The following LRRN1 variants were observed in gnomAD, a reference collection of about 807,000 sequenced individuals.
LRRN1 encodes leucine-rich repeat neuronal protein 1.
In LRRN1, 14 loss-of-function variants were observed where a neutral mutation model predicts 45.8. That is an observed-to-expected ratio of 0.31 (90% CI 0.20 to 0.48). The LOEUF is 0.48. Among genes scored for constraint, LRRN1 ranks in the 20% least tolerant of loss-of-function variants. The probability of loss-of-function intolerance (pLI) is 0.99; values close to 1 mark genes in which losing one functional copy is unlikely to be tolerated. For synonymous variants in LRRN1, 359 were observed against 330.1 expected, an observed-to-expected ratio of 1.09 and a Z score of -0.95; for missense variants, 789 against 874.2, an observed-to-expected ratio of 0.90 and a Z score of 1.23.
At chr3:3,825,972 C>T (rs1409404052) in intron 1 of LRRN1, among the ~76,000 whole-genome samples, 1 of 152,124 alleles carries the variant, frequency 6.6e-6, no homozygotes, top group Non-Finnish European at 1.5e-5. Context: ...TGCAAACTGG[C>T]CATGGGCCAT....
At chr3:3,820,348 A>C (rs574578027) in intron 1 of LRRN1, among the ~76,000 whole-genome samples, 3 of 152,302 alleles carry the variant, frequency 2.0e-5, no homozygotes, top group Admixed American at 6.5e-5. Context: ...CTGTCTAGCA[A>C]ATTTGCCATC....
At chr3:3,804,808 A>G (rs1348222332) in intron 1 of LRRN1, among the ~76,000 whole-genome samples, 1 of 133,786 alleles carries the variant, frequency 7.5e-6, no homozygotes, top group Non-Finnish European at 1.6e-5. Flanking sequence ...ACATCCTTCT[A>G]TGTGAAAGGT....
At chr3:3,807,774 A>G (rs74369678) in intron 1 of LRRN1, among the ~76,000 whole-genome samples, 3,855 of 152,272 alleles carry the variant, frequency 0.025, 137 homozygotes, top group East Asian at 0.15. Flanking sequence ...TCAGAGAACC[A>G]TAAGGACAGT....
chr3:3,829,543 G>A (rs1295452063), intron 1 of LRRN1, among the ~76,000 whole-genome samples: 2 of 152,144 alleles, frequency 1.3e-5, no homozygotes, highest in African/African-American at 4.8e-5. Flanking sequence ...ACAGCCTTCT[G>A]GAGAACTTTG....
chr3:3,817,629 C>A (rs1693014174), intron 1 of LRRN1, among the ~76,000 whole-genome samples: 1 of 151,590 alleles, frequency 6.6e-6, no homozygotes, highest in East Asian at 1.9e-4. Context: ...AGCAGTCAGG[C>A]TCTTTAGAGA....
chr3:3,805,142 C>T (rs2106449687), intron 1 of LRRN1, among the ~76,000 whole-genome samples: 1 of 152,094 alleles, frequency 6.6e-6, no homozygotes, highest in South Asian at 2.1e-4. Flanking sequence ...TGGGCAGCAC[C>T]AATATTAGCA....
intron 1 of LRRN1, among the ~76,000 whole-genome samples, chr3:3,840,445 A>G (rs1029442014): frequency 1.3e-5 from 2 of 152,208 alleles, no homozygotes; most frequent in African/African-American, 4.8e-5. Flanking sequence ...ACTATTGGCG[A>G]GTAGCTCCTG....
intron 1 of LRRN1, among the ~76,000 whole-genome samples, chr3:3,806,867 G>C (rs1448972624): frequency 6.6e-6 from 1 of 152,176 alleles, no homozygotes; most frequent in East Asian, 1.9e-4. Context: ...TCTGTAAAAG[G>C]AGAGGTCTTG....
chr3:3,812,352 T>C (rs537553717), intron 1 of LRRN1, among the ~76,000 whole-genome samples: 3 of 152,244 alleles, frequency 2.0e-5, no homozygotes, highest in Admixed American at 6.5e-5. Context: ...CTGACACTTA[T>C]TTAAGCCAAA....
chr3:3,819,760 A>G (rs1693064843), intron 1 of LRRN1, among the ~76,000 whole-genome samples: 2 of 152,162 alleles, frequency 1.3e-5, no homozygotes, highest in Admixed American at 1.3e-4. Context: ...TTGGGACTTC[A>G]ACATCTCTTT....
chr3:3,812,155 A>G (rs1011227402), intron 1 of LRRN1, among the ~76,000 whole-genome samples: 1 of 152,214 alleles, frequency 6.6e-6, no homozygotes, highest in African/African-American at 2.4e-5. Context: ...TACAGTGGTG[A>G]GCAAAACAGA....
intron 1 of LRRN1, among the ~76,000 whole-genome samples, chr3:3,810,066 T>C (rs1692843983): frequency 6.6e-6 from 1 of 152,234 alleles, no homozygotes; most frequent in Admixed American, 6.5e-5. Context: ...ATGAGAAATA[T>C]GGATTCCACT....
intron 1 of LRRN1, among the ~76,000 whole-genome samples, chr3:3,828,133 TA>T (rs1394017454): frequency 2.5e-3 from 6 of 2,384 alleles, no homozygotes; most frequent in East Asian, 0.033. Context: ...GGGACAGAAT[TA>T]TATATATATA....
chr3:3,844,468 C>T lies in LRRN1; in HGVS notation c.-174C>T. 1 of 575,956 alleles carries T rather than the reference C, an allele frequency of 1.7e-6. No homozygotes were observed. The highest frequency in any genetic ancestry group is 3.0e-6 in the Non-Finnish European group (1 of 330,368). The allele number at this position is 575,956 out of a possible 1,614,324, so 35.7% of individuals were successfully genotyped here. On this transcript the variant is annotated 5_prime_UTR_variant, in exon 2 of 2. Coordinates refer to ENST00000319331, the MANE Select transcript of LRRN1 (RefSeq NM_020873.7). The stretch of plus-strand genomic sequence containing the variant: ...TAAAAGACTCCAAGTTGCTTTCTGC[C>T]TTTTGAAAACTCCTGAAAACCATCC...
rs755383292 is a variant in LRRN1 at position 3,845,283 on chromosome 3, C to G, written c.642C>G (p.Leu214=). 2 of 1,614,076 alleles carry G rather than the reference C, an allele frequency of 1.2e-6. No individual in the cohort carries two copies. The highest frequency in any genetic ancestry group is 1.7e-5 in the Admixed American group (1 of 60,010). ...IGILDMNFKP[L]ANLRSLVLAG... Reference sequence around the variant, plus strand: ...TTCTGGATATGAACTTCAAACCCCTCGCAAATTTGAGAAGCTTAGTTTTGG... The same window carrying G: ...TTCTGGATATGAACTTCAAACCCCTGGCAAATTTGAGAAGCTTAGTTTTGG... The change falls in exon 2 of 2, where the codon CTC becomes CTG. Residue 214 remains leucine, a synonymous_variant. Transcript: ENST00000319331. This position sits in a 1 kb window ranked among gnomAD's most constrained non-coding sequence, Gnocchi z 6.5.
intron 1 of LRRN1, among the ~76,000 whole-genome samples, chr3:3,811,434 A>G (rs567001759): frequency 6.3e-4 from 96 of 152,356 alleles, no homozygotes; most frequent in African/African-American, 2.0e-3. Context: ...AGCATTTGGC[A>G]CATGGAAAAT....
intron 1 of LRRN1, among the ~76,000 whole-genome samples, chr3:3,826,399 A>G (rs1250326935): frequency 6.6e-6 from 1 of 152,170 alleles, no homozygotes; most frequent in Admixed American, 6.6e-5. Flanking sequence ...TGACTTGTTC[A>G]AGGTCGTCCA....
intron 1 of LRRN1, among the ~76,000 whole-genome samples, chr3:3,805,466 C>T (rs1046776376): frequency 6.6e-6 from 1 of 152,200 alleles, no homozygotes; most frequent in African/African-American, 2.4e-5. Flanking sequence ...ACTAATGACT[C>T]AATGTCTGAC....
intron 1 of LRRN1, among the ~76,000 whole-genome samples, chr3:3,802,370 G>A (rs1379248338): frequency 6.6e-6 from 1 of 152,088 alleles, no homozygotes; most frequent in Non-Finnish European, 1.5e-5. Flanking sequence ...CTCAAACACT[G>A]TTGAAGGGAA....
Sources: allele counts gnomAD v4.1 joint callset (sites outside exome capture counted in the v4.1 genomes callset), GRCh38; gene constraint gnomAD v4.1.1; non-coding constraint Gnocchi (gnomAD v3.1); transcripts MANE v1.5; gene names NCBI Gene and HGNC (gene_info 2026-07-23, HGNC 2026-07-21).